The following KIRREL3 variants were observed in gnomAD, a reference collection of about 807,000 sequenced individuals.
KIRREL3 encodes the protein kin of IRRE-like protein 3.
In KIRREL3, 36 loss-of-function variants were observed where a neutral mutation model predicts 89.7. That is an observed-to-expected ratio of 0.40 (90% CI 0.31 to 0.53). The LOEUF (loss-of-function observed/expected upper bound fraction) is 0.53. KIRREL3 is among the 20% of genes least tolerant of loss of function. The pLI is 0.49. For missense variants in KIRREL3, 864 were observed against 1,056.6 expected, an observed-to-expected ratio of 0.82 and a Z score of 2.53; for synonymous variants, 445 against 441.4, an observed-to-expected ratio of 1.01 and a Z score of -0.10.
rs1956594746 is a variant in KIRREL3, at chr11:126,462,955, A to G, written c.742+202T>C. On this transcript the variant is annotated intron_variant, in intron 6 of 16. Coordinates refer to ENST00000525144, the MANE Select transcript of KIRREL3 (RefSeq NM_032531.4). The surrounding 1 kb of genome is among the most constrained non-coding windows in gnomAD (Gnocchi z 4.8). ...ATGTGGCCTGAAGATGTCCTTTGCGAAAGACCCTCATCTGTGAGGTTGCAT... is the reference window on the plus strand; with the variant it reads ...ATGTGGCCTGAAGATGTCCTTTGCGGAAGACCCTCATCTGTGAGGTTGCAT... Among the ~76,000 whole-genome samples the G allele has an allele frequency of 1.3e-5, 2 of 152,224 alleles. No individual in the cohort carries two copies. Among genetic ancestry groups the G allele is most frequent in the African/African-American group, 4.8e-5 (2 of 41,454 alleles).
chr11:126,500,165 G>A (rs1479633809), intron 4 of KIRREL3, among the ~76,000 whole-genome samples: 1 of 152,186 alleles, frequency 6.6e-6, no homozygotes, highest in Non-Finnish European at 1.5e-5. Flanking sequence ...TGGGTTGTCG[G>A]AGTACGATTA....
At chr11:126,465,164 C>T (rs1591584962) in intron 5 of KIRREL3, among the ~76,000 whole-genome samples, 1 of 152,132 alleles carries the variant, frequency 6.6e-6, no homozygotes, top group African/African-American at 2.4e-5. Context: ...AGGAACCTCA[C>T]TATGGGTGCA....
chr11:126,809,329 C>G, intron 1 of KIRREL3, among the ~76,000 whole-genome samples: 1 of 152,074 alleles, frequency 6.6e-6, no homozygotes, highest in East Asian at 1.9e-4. Flanking sequence ...TAAGAGGGAC[C>G]CCAATTCAAT....
Position 126,555,721 on chromosome 11 carries a change from T to C in KIRREL3, c.133+7114A>G, listed in dbSNP as rs1203939561. Among the ~76,000 whole-genome samples the C allele has an allele frequency of 6.7e-6, 1 of 148,744 alleles. No homozygotes were observed. Among genetic ancestry groups the C allele is most frequent in the Non-Finnish European group, 1.5e-5 (1 of 67,640 alleles). On this transcript the variant is annotated intron_variant, in intron 2 of 16. Transcript: ENST00000525144. The surrounding 1 kb of genome is among the most constrained non-coding windows in gnomAD (Gnocchi z 4.2). Reference sequence around the variant, plus strand: ...AGGAACCAGATCACGTGGCACCTTGTAGAACATGCTAACAATGTGAGCATT... The same window carrying C: ...AGGAACCAGATCACGTGGCACCTTGCAGAACATGCTAACAATGTGAGCATT...
intron 1 of KIRREL3, among the ~76,000 whole-genome samples, chr11:126,725,792 G>T (rs1244630213): frequency 6.6e-6 from 1 of 152,206 alleles, no homozygotes; most frequent in African/African-American, 2.4e-5. Context: ...ACTACAGAGA[G>T]CATGGGGGGA....
intron 1 of KIRREL3, among the ~76,000 whole-genome samples, chr11:126,846,886 A>G (rs2134546576): frequency 6.6e-6 from 1 of 152,174 alleles, no homozygotes; most frequent in South Asian, 2.1e-4. Flanking sequence ...AAAATTGTGT[A>G]TGTGGACATA....
chr11:126,592,869 T>C (rs1942210725), intron 1 of KIRREL3, among the ~76,000 whole-genome samples: 1 of 152,028 alleles, frequency 6.6e-6, no homozygotes, highest in Non-Finnish European at 1.5e-5. Flanking sequence ...AGAAAAGGCC[T>C]GTTGTTGAGA....
intron 1 of KIRREL3, among the ~76,000 whole-genome samples, chr11:126,975,893 TCCC>T (rs1949553033): frequency 2.0e-5 from 1 of 48,834 alleles, no homozygotes; most frequent in Non-Finnish European, 3.9e-5. Flanking sequence ...TTTCCCTCCC[TCCC>T]TCCCTCCCTT....
rs1196394238 is a variant in KIRREL3 at position 126,755,985 on chromosome 11, G to A, written c.56-193073C>T. Among the ~76,000 whole-genome samples the A allele has an allele frequency of 6.6e-6, 1 of 152,094 alleles. No individual in the cohort carries two copies. Among genetic ancestry groups the A allele is most frequent in the Admixed American group, 6.5e-5 (1 of 15,276 alleles). Reference sequence around the variant, plus strand: ...TAGGTGTTATCTTGATATAAGAACAGGTATCATTAATTGACTAGCAATGGA... The same window carrying A: ...TAGGTGTTATCTTGATATAAGAACAAGTATCATTAATTGACTAGCAATGGA... On this transcript the variant is annotated intron_variant, in intron 1 of 16. Coordinates refer to ENST00000525144, the MANE Select transcript of KIRREL3 (RefSeq NM_032531.4). This position sits in a 1 kb window ranked among gnomAD's most constrained non-coding sequence, Gnocchi z 4.3.
rs1482327223 is a variant in KIRREL3, at chr11:126,601,717, G to A, written c.56-38805C>T. 6.6e-6 allele frequency among the ~76,000 whole-genome samples: 1 copy of A among 152,064 alleles called. No homozygotes were observed. Reference sequence around the variant, plus strand: ...CCATTCTTCTCATGCATCCTGCGGTGCCATTCGCCCACCCCGCCTACATTC... The same window carrying A: ...CCATTCTTCTCATGCATCCTGCGGTACCATTCGCCCACCCCGCCTACATTC... On this transcript the variant is annotated intron_variant, in intron 1 of 16. Coordinates refer to ENST00000525144, the MANE Select transcript of KIRREL3 (RefSeq NM_032531.4). This position sits in a 1 kb window ranked among gnomAD's most constrained non-coding sequence, Gnocchi z 5.8.
chr11:126,925,163 C>T (rs867980283), intron 1 of KIRREL3, among the ~76,000 whole-genome samples: 2 of 151,392 alleles, frequency 1.3e-5, no homozygotes, highest in African/African-American at 4.8e-5. Flanking sequence ...GCTGGTGCAC[C>T]TGCTCTGCTA....
chr11:126,986,480 T>C (rs910826541), intron 1 of KIRREL3, among the ~76,000 whole-genome samples: 4 of 152,198 alleles, frequency 2.6e-5, no homozygotes, highest in Admixed American at 6.5e-5. Flanking sequence ...GTGTACAGCA[T>C]TGACTTTAAA....
intron 1 of KIRREL3, among the ~76,000 whole-genome samples, chr11:126,886,758 G>A (rs1429871931): frequency 1.3e-5 from 2 of 152,146 alleles, no homozygotes; most frequent in Non-Finnish European, 2.9e-5. Flanking sequence ...ACTGGGGAAT[G>A]ACAGTCTTCA....
intron 7 of KIRREL3, among the ~76,000 whole-genome samples, chr11:126,450,339 G>A (rs945555070): frequency 9.3e-5 from 14 of 151,146 alleles, no homozygotes; most frequent in Non-Finnish European, 1.5e-5. Flanking sequence ...GTGAGCGTGG[G>A]CATGTGTGTC....
intron 4 of KIRREL3, among the ~76,000 whole-genome samples, chr11:126,497,264 GTGTC>G (rs1957699513): frequency 6.6e-6 from 1 of 151,844 alleles, no homozygotes; most frequent in Non-Finnish European, 1.5e-5. Flanking sequence ...GACAGTGTGA[GTGTC>G]TGTGTGACAG....
In KIRREL3 at chr11:126,686,713, G is replaced by A. The variant is rs563743013; in HGVS notation, c.56-123801C>T. Among the ~76,000 whole-genome samples, 1 of 152,230 alleles carries A rather than the reference G, an allele frequency of 6.6e-6. No homozygotes were observed. Among genetic ancestry groups the A allele is most frequent in the East Asian group, 1.9e-4 (1 of 5,180 alleles). On this transcript the variant is annotated intron_variant, in intron 1 of 16. Transcript: ENST00000525144. The surrounding 1 kb of genome is among the most constrained non-coding windows in gnomAD (Gnocchi z 4.7). ...TCCTGCCTCAGCCTCCCAAGTAGCT[G>A]GGATTATAAGTGTCTGCTCCCACCC... is the stretch of plus-strand genomic sequence containing the variant.
chr11:126,470,408 C>A (rs1261874162), intron 5 of KIRREL3, among the ~76,000 whole-genome samples: 3 of 152,222 alleles, frequency 2.0e-5, no homozygotes, highest in Non-Finnish European at 4.4e-5. Flanking sequence ...ATCCCTCCCT[C>A]CCCCTGGACT....
rs1957852031 is a variant in KIRREL3 at position 126,501,281 on chromosome 11, T to A, written c.433+20034A>T. On this transcript the variant is annotated intron_variant, in intron 4 of 16. Transcript: ENST00000525144. The surrounding 1 kb of genome is among the most constrained non-coding windows in gnomAD (Gnocchi z 5.8). ...GAGTCAGCCTGGCTCTGGCCCTAGC[T>A]TGAACGCCTCGGTTGTAGTTCTAAA... 6.6e-6 allele frequency among the ~76,000 whole-genome samples: 1 copy of A among 152,252 alleles called. No homozygotes were observed. The highest frequency in any genetic ancestry group is 1.5e-5 in the Non-Finnish European group (1 of 68,044).
At chr11:126,868,966 C>T (rs1945013145) in intron 1 of KIRREL3, among the ~76,000 whole-genome samples, 1 of 152,018 alleles carries the variant, frequency 6.6e-6, no homozygotes, top group South Asian at 2.1e-4. Context: ...GCACTAATCC[C>T]ATTCATAAAG....
Sources: gnomAD v4.1 joint callset for allele counts (sites outside exome capture counted in the v4.1 genomes callset) on GRCh38, gnomAD v4.1.1 for gene constraint, Gnocchi (gnomAD v3.1) non-coding constraint, MANE v1.5 for transcripts, NCBI Gene and HGNC (gene_info 2026-07-23, HGNC 2026-07-21) for gene names.